Variants in PYHIN1 observed in about 807,000 individuals in gnomAD.
PYHIN1 encodes pyrin and HIN domain-containing protein 1.
In PYHIN1, 32 loss-of-function variants were observed where a neutral mutation model predicts 43.7. That is an observed-to-expected ratio of 0.73 (90% CI 0.55 to 0.98). The LOEUF is 0.98. PYHIN1 is among the 50% of genes least tolerant of loss of function. The probability of loss-of-function intolerance (pLI) is 0.00; values close to 1 mark genes in which losing one functional copy is unlikely to be tolerated. For synonymous variants in PYHIN1, 205 were observed against 203.1 expected, an observed-to-expected ratio of 1.01 and a Z score of -0.08; for missense variants, 588 against 589.5, an observed-to-expected ratio of 1.00 and a Z score of 0.03.
At chr1:158,949,456 T>G (rs1029147537) in intron 7 of PYHIN1, among the ~76,000 whole-genome samples, 21 of 152,172 alleles carry the variant, frequency 1.4e-4, no homozygotes, top group Admixed American at 1.1e-3. Flanking sequence ...TATGTATACA[T>G]GCGCCATGCT....
intron 7 of PYHIN1, among the ~76,000 whole-genome samples, chr1:158,945,787 G>A (rs1188956154): frequency 2.0e-5 from 3 of 152,168 alleles, no homozygotes; most frequent in Non-Finnish European, 4.4e-5. Context: ...AACATGTAAC[G>A]ACAATGTTCT....
intron 7 of PYHIN1, among the ~76,000 whole-genome samples, chr1:158,950,581 A>T (rs1307909427): frequency 6.6e-6 from 1 of 152,170 alleles, no homozygotes; most frequent in Non-Finnish European, 1.5e-5. Flanking sequence ...TACCGTTGAC[A>T]TCTTTCCATA....
At chr1:158,973,542 C>CAA in intron 7 of PYHIN1, 105 bp from the exon 8 acceptor site, 5 of 959,330 alleles carry the variant, frequency 5.2e-6, no homozygotes, top group Non-Finnish European at 6.3e-6. Flanking sequence ...CACACATATA[C>CAA]ACACATGTAT....
At chr1:158,972,850 A>G (rs973811152) in intron 7 of PYHIN1, among the ~76,000 whole-genome samples, 3 of 152,058 alleles carry the variant, frequency 2.0e-5, no homozygotes, top group Admixed American at 6.6e-5. Flanking sequence ...CCTTTATAAT[A>G]CTTGTCACCA....
chr1:158,988,983 G>T, the PYHIN1 span, among the ~76,000 whole-genome samples: 2 of 152,128 alleles, frequency 1.3e-5, no homozygotes, highest in Admixed American at 6.5e-5. Flanking sequence ...AAAGGATGTT[G>T]AACCTGGATC....
chr1:158,956,986 A>C (rs986865107), intron 7 of PYHIN1, among the ~76,000 whole-genome samples: 2 of 143,726 alleles, frequency 1.4e-5, no homozygotes, highest in Non-Finnish European at 3.0e-5. Flanking sequence ...CCAAATCATG[A>C]GTGAACTCTC....
intron 5 of PYHIN1, 124 bp from the exon 6 acceptor site, chr1:158,943,666 G>T (rs1013997524): frequency 1.2e-5 from 7 of 586,718 alleles, no homozygotes; most frequent in African/African-American, 5.5e-5. Flanking sequence ...CATATGTATT[G>T]TATGTCGATA....
intron 7 of PYHIN1, among the ~76,000 whole-genome samples, chr1:158,959,416 C>T (rs1650193980): frequency 6.6e-6 from 1 of 150,924 alleles, no homozygotes; most frequent in Non-Finnish European, 1.5e-5. Flanking sequence ...ATTATGCACC[C>T]GCGGTTGATC....
At chr1:158,932,150 CT>C (rs1001661155) in intron 1 of PYHIN1, among the ~76,000 whole-genome samples, 4 of 152,134 alleles carry the variant, frequency 2.6e-5, no homozygotes, top group African/African-American at 9.7e-5. Flanking sequence ...GTATTCCACG[CT>C]GTATATGCAT....
chr1:158,966,379 G>T lies in PYHIN1; in HGVS notation c.1360-7268G>T, dbSNP rs147532362. Among the ~76,000 whole-genome samples, 27 of 152,120 alleles carry T rather than the reference G, an allele frequency of 1.8e-4. 1 individual carries two copies. The highest frequency in any genetic ancestry group is 6.3e-4 in the African/African-American group (26 of 41,512). On this transcript the variant is annotated intron_variant, in intron 7 of 8. Transcript: ENST00000368140. The stretch of plus-strand genomic sequence containing the variant: ...ACTCCTCTCCAATTCATTCTATGAG[G>T]CCAGCATCATCCTGATAACAAAAGG...
chr1:158,938,283 C>A, intron 2 of PYHIN1, 114 bp from the exon 3 acceptor site: 1 of 1,169,610 alleles, frequency 8.5e-7, no homozygotes, highest in Non-Finnish European at 1.2e-6. Context: ...TAGAGATAGA[C>A]TAAAATACAC....
chr1:158,940,833 A>G (rs1571726798), intron 4 of PYHIN1, among the ~76,000 whole-genome samples: 1 of 152,320 alleles, frequency 6.6e-6, no homozygotes, highest in East Asian at 1.9e-4. Flanking sequence ...ATTTCTCTAT[A>G]TACCCTCTCA....
chr1:158,955,144 T>A (rs1649837363), intron 7 of PYHIN1, among the ~76,000 whole-genome samples: 1 of 151,768 alleles, frequency 6.6e-6, no homozygotes, highest in East Asian at 1.9e-4. Flanking sequence ...CTCCCACACA[T>A]TAAAAATGGG....
At chr1:158,969,190 A>G (rs952358135) in intron 7 of PYHIN1, among the ~76,000 whole-genome samples, 5 of 152,022 alleles carry the variant, frequency 3.3e-5, no homozygotes, top group African/African-American at 1.2e-4. Flanking sequence ...ATATTTTTCT[A>G]TATATTTAAA....
chr1:158,962,818 G>A (rs1296894981), intron 7 of PYHIN1, among the ~76,000 whole-genome samples: 1 of 152,058 alleles, frequency 6.6e-6, no homozygotes, highest in Non-Finnish European at 1.5e-5. Flanking sequence ...CCATGGCTAA[G>A]CATACGGTCT....
chr1:158,979,247 G>T (rs1405764208), downstream of PYHIN1, among the ~76,000 whole-genome samples: 1 of 152,106 alleles, frequency 6.6e-6, no homozygotes, highest in Non-Finnish European at 1.5e-5. Flanking sequence ...CAGATCTACA[G>T]AGCTTATTCA....
At chr1:158,938,809 C>T (rs567698471) in intron 3 of PYHIN1, among the ~76,000 whole-genome samples, 1 of 152,002 alleles carries the variant, frequency 6.6e-6, no homozygotes, top group African/African-American at 2.4e-5. Flanking sequence ...GATAAAAAAA[C>T]GTTTGCCTAT....
rs889601488 is a variant in PYHIN1, at chr1:158,973,760, T to G, written c.1473T>G (p.Val491=). The change falls in exon 8 of 9, where the codon GTT becomes GTG. Residue 491 remains valine, a synonymous_variant. Coordinates refer to ENST00000368140, the MANE Select transcript of PYHIN1 (RefSeq NM_152501.5). ...CTTCCACCAACCGCCATCCAGCAGT[T>G]CCTTAAATAAGGTACCACCTTTCTA... The part of the protein sequence containing the change: ...SDTSTNRHPA[V]P The G allele has an allele frequency of 1.2e-6, 2 of 1,612,806 alleles. No homozygotes were observed. The highest frequency in any genetic ancestry group is 2.7e-5 in the African/African-American group (2 of 74,840).
intron 8 of PYHIN1, among the ~76,000 whole-genome samples, chr1:158,975,235 CTG>C (rs10579060): frequency 0.92 from 139,371 of 151,902 alleles, 65,153 homozygotes; most frequent in East Asian, 1. Flanking sequence ...CCCAATAATA[CTG>C]TGTTTGTATT....
Sources: allele counts gnomAD v4.1 joint callset (sites outside exome capture counted in the v4.1 genomes callset), GRCh38; gene constraint gnomAD v4.1.1; transcripts MANE v1.5; gene names NCBI Gene and HGNC (gene_info 2026-07-23, HGNC 2026-07-21).